The following PPP4R4 variants were observed in gnomAD, a reference collection of about 807,000 sequenced individuals.
PPP4R4 encodes the protein protein phosphatase 4 regulatory subunit 4.
PPP4R4 carries 70 observed loss-of-function variants against 121.8 expected under a neutral mutation model. The observed-to-expected ratio is 0.57, with a 90% CI of 0.47 to 0.70. The LOEUF (loss-of-function observed/expected upper bound fraction) is 0.70, where lower values mean the gene tolerates loss of function less well. PPP4R4 is among the 30% of genes least tolerant of loss of function. The pLI, the probability that PPP4R4 is intolerant of heterozygous loss-of-function variation, is 0.00. For missense variants in PPP4R4, 875 were observed against 1,033.6 expected, an observed-to-expected ratio of 0.85 and a Z score of 2.10; for synonymous variants, 348 against 355.7, an observed-to-expected ratio of 0.98 and a Z score of 0.24.
intron 11 of PPP4R4, among the ~76,000 whole-genome samples, chr14:94,244,166 T>C (rs544973041): frequency 6.6e-6 from 1 of 152,290 alleles, no homozygotes; most frequent in Admixed American, 6.5e-5. Flanking sequence ...AAGTCTTTGA[T>C]GGGGAAAAGT....
Position 94,250,289 on chromosome 14 carries a change from T to C in PPP4R4, c.1717+12T>C. The C allele has an allele frequency of 1.3e-6, 2 of 1,546,262 alleles. No individual in the cohort carries two copies. The highest frequency in any genetic ancestry group is 2.2e-5 in the East Asian group (1 of 44,514). The stretch of plus-strand genomic sequence containing the variant: ...AAAATTAATTGAACGTAAGTAATCA[T>C]TGTCTACTATTTTGAAAAAGGAAAG... On this transcript the variant is annotated intron_variant, in intron 15 of 24. Coordinates refer to ENST00000304338, the MANE Select transcript of PPP4R4 (RefSeq NM_058237.2).
intron 17 of PPP4R4, among the ~76,000 whole-genome samples, chr14:94,257,376 T>C (rs1351631001): frequency 6.6e-6 from 1 of 152,074 alleles, no homozygotes; most frequent in Non-Finnish European, 1.5e-5. Flanking sequence ...TCAGGACACA[T>C]TGTTTTTGAG....
At chr14:94,212,836 A>G (rs1890815485) in intron 3 of PPP4R4, among the ~76,000 whole-genome samples, 1 of 152,180 alleles carries the variant, frequency 6.6e-6, no homozygotes, top group Admixed American at 6.5e-5. Context: ...TAATAGCGAT[A>G]TAATTACACC....
At chr14:94,224,110 T>A (rs184719277) in intron 3 of PPP4R4, among the ~76,000 whole-genome samples, 2 of 152,236 alleles carry the variant, frequency 1.3e-5, no homozygotes, top group African/African-American at 4.8e-5. Context: ...AAAGCAAACA[T>A]TCCCAGCATT....
intron 2 of PPP4R4, among the ~76,000 whole-genome samples, chr14:94,187,079 C>A (rs1238154482): frequency 6.6e-6 from 1 of 152,086 alleles, no homozygotes; most frequent in African/African-American, 2.4e-5. Context: ...CTTTGGGAGT[C>A]CGAGGTGGGC....
intron 1 of PPP4R4, 34 bp from the exon 2 acceptor site, chr14:94,176,020 T>C (rs1888662647): frequency 1.3e-6 from 2 of 1,544,074 alleles, no homozygotes; most frequent in Admixed American, 3.3e-5. Context: ...AACCAATATT[T>C]GTGGTGCATA....
intron 2 of PPP4R4, among the ~76,000 whole-genome samples, chr14:94,195,610 A>G (rs1736870995): frequency 6.6e-6 from 1 of 152,184 alleles, no homozygotes; most frequent in Admixed American, 6.5e-5. Context: ...TGTGCATTGT[A>G]GGATGTTTAG....
chr14:94,241,371 A>G (rs543504299), intron 9 of PPP4R4, among the ~76,000 whole-genome samples: 1 of 152,140 alleles, frequency 6.6e-6, no homozygotes, highest in South Asian at 2.1e-4. Flanking sequence ...TTCAGATTCA[A>G]TTTTTAAGCT....
At chr14:94,202,078 T>A (rs1031158113) in intron 2 of PPP4R4, among the ~76,000 whole-genome samples, 2 of 152,128 alleles carry the variant, frequency 1.3e-5, no homozygotes, top group African/African-American at 4.8e-5. Flanking sequence ...TCGTATGTTC[T>A]CACTTATAAG....
intron 19 of PPP4R4, among the ~76,000 whole-genome samples, chr14:94,264,254 T>G (rs1893924834): frequency 6.6e-6 from 1 of 152,178 alleles, no homozygotes; most frequent in Admixed American, 6.5e-5. Flanking sequence ...GTTGAAGTGA[T>G]TCTCCTGCCT....
intron 23 of PPP4R4, among the ~76,000 whole-genome samples, chr14:94,273,476 A>T (rs1193681109): frequency 6.6e-6 from 1 of 152,200 alleles, no homozygotes; most frequent in Non-Finnish European, 1.5e-5. Context: ...AAATGAATAG[A>T]TGGAGCACAG....
chr14:94,197,637 C>T (rs1889955295), intron 2 of PPP4R4, among the ~76,000 whole-genome samples: 1 of 152,072 alleles, frequency 6.6e-6, no homozygotes, highest in African/African-American at 2.4e-5. Context: ...TGTGTATTCC[C>T]ATGAAACCCT....
At chr14:94,254,420 T>TC (rs1893356104) in intron 16 of PPP4R4, among the ~76,000 whole-genome samples, 1 of 152,212 alleles carries the variant, frequency 6.6e-6, no homozygotes, top group Non-Finnish European at 1.5e-5. Context: ...GGATTGATAC[T>TC]CCTTAATTAG....
chr14:94,222,520 A>G (rs1286256736), intron 3 of PPP4R4, among the ~76,000 whole-genome samples: 1 of 150,712 alleles, frequency 6.6e-6, no homozygotes, highest in Non-Finnish European at 1.5e-5. Context: ...ATATCTATTT[A>G]GATTTACCCA....
chr14:94,256,984 G>A lies in PPP4R4; in HGVS notation c.2010+380G>A, dbSNP rs146124815. Among the ~76,000 whole-genome samples, 87 of 152,206 alleles carry A rather than the reference G, an allele frequency of 5.7e-4. 1 individual carries two copies. In the East Asian group the frequency reaches 0.015, roughly 27 times the overall value. On this transcript the variant is annotated intron_variant, in intron 17 of 24. Transcript: ENST00000304338. Reference sequence around the variant, plus strand: ...TCACATTTTATAGAAACTTATCCCTGGAAGGGCCCTTTGAGTTAATTCAGG... The same window carrying A: ...TCACATTTTATAGAAACTTATCCCTAGAAGGGCCCTTTGAGTTAATTCAGG...
chr14:94,272,625 G>A (rs749160028), intron 23 of PPP4R4, among the ~76,000 whole-genome samples: 9 of 152,084 alleles, frequency 5.9e-5, no homozygotes, highest in Non-Finnish European at 1.2e-4. Context: ...TGTCAAAGGC[G>A]CAATCTATGA....
At chr14:94,240,880 T>C (rs1429955441) in intron 9 of PPP4R4, 85 bp downstream of exon 9, 2 of 1,388,884 alleles carry the variant, frequency 1.4e-6, no homozygotes, top group East Asian at 5.4e-5. Flanking sequence ...GGCTCTTCAG[T>C]TAATTGTAAA....
chr14:94,174,727 C>T (rs755166179), intron 1 of PPP4R4, 145 bp downstream of exon 1: 241 of 1,405,480 alleles, frequency 1.7e-4, no homozygotes, highest in Non-Finnish European at 2.2e-4. Context: ...TCCTCCTCCA[C>T]CCCTCTTGCC....
intron 3 of PPP4R4, among the ~76,000 whole-genome samples, chr14:94,208,856 TA>T (rs68147407): frequency 0.16 from 23,948 of 151,622 alleles, 2,009 homozygotes; most frequent in Middle Eastern, 0.24. Context: ...TAATTATTCT[TA>T]AAAAAAAGTA....
Sources: allele counts gnomAD v4.1 joint callset (sites outside exome capture counted in the v4.1 genomes callset), GRCh38; gene constraint gnomAD v4.1.1; transcripts MANE v1.5; gene names NCBI Gene and HGNC (gene_info 2026-07-23, HGNC 2026-07-21).